Variants in GNE observed in about 807,000 individuals in gnomAD.
GNE encodes the protein glucosamine (UDP-N-acetyl)-2-epimerase/N-acetylmannosamine kinase.
GNE carries 41 observed loss-of-function variants against 61.8 expected under a neutral mutation model. That is an observed-to-expected ratio of 0.66 (90% CI 0.52 to 0.86). The LOEUF (loss-of-function observed/expected upper bound fraction) is 0.86, where lower values mean the gene tolerates loss of function less well. GNE is among the 40% of genes least tolerant of loss of function. The pLI is 0.00. For synonymous variants in GNE, 264 were observed against 326.4 expected (o/e 0.81, Z 2.06); for missense variants, 608 against 909.1 (o/e 0.67, Z 4.26).
intron 7 of GNE, among the ~76,000 whole-genome samples, chr9:36,225,776 TA>T (rs869131070): frequency 6.6e-6 from 1 of 151,824 alleles, no homozygotes; most frequent in Non-Finnish European, 1.5e-5. Context: ...ACCTTGTCTC[TA>T]AAAAAAAATT....
chr9:36,244,442 G>C (rs1243287866), intron 3 of GNE, among the ~76,000 whole-genome samples: 1 of 152,104 alleles, frequency 6.6e-6, no homozygotes, highest in Non-Finnish European at 1.5e-5. Context: ...ATTAGCAAAA[G>C]ATAATTTCTA....
upstream of GNE, among the ~76,000 whole-genome samples, chr9:36,262,255 G>A (rs925330886): frequency 1.3e-5 from 2 of 152,100 alleles, no homozygotes; most frequent in Non-Finnish European, 1.5e-5. Context: ...AGAATTGTAT[G>A]CACTTTCTAA....
intron 5 of GNE, among the ~76,000 whole-genome samples, chr9:36,232,466 C>T (rs1468512975): frequency 6.6e-6 from 1 of 152,146 alleles, no homozygotes; most frequent in Non-Finnish European, 1.5e-5. Flanking sequence ...GGCTTACATG[C>T]ATCTGTTTCC....
intron 3 of GNE, among the ~76,000 whole-genome samples, chr9:36,245,706 G>A (rs532251303): frequency 6.6e-6 from 1 of 152,072 alleles, no homozygotes; most frequent in African/African-American, 2.4e-5. Context: ...AAATGAAATG[G>A]CATATTACAC....
chr9:36,274,340 C>T (rs750069293), intron 1 of GNE, among the ~76,000 whole-genome samples: 43 of 152,162 alleles, frequency 2.8e-4, no homozygotes, highest in Non-Finnish European at 5.1e-4. Context: ...AAGCAATCCT[C>T]CTGCCTCAAC....
intron 1 of GNE, among the ~76,000 whole-genome samples, chr9:36,270,556 C>T (rs1416615197): frequency 1.4e-5 from 2 of 142,338 alleles, no homozygotes; most frequent in African/African-American, 2.6e-5. Context: ...CTCGCTCTTT[C>T]GCCCAGGCCG....
intron 3 of GNE, 95 bp downstream of exon 3, chr9:36,245,936 T>C: frequency 1.0e-6 from 1 of 970,638 alleles, no homozygotes; most frequent in South Asian, 1.4e-5. Flanking sequence ...GCTAACAGAG[T>C]ATTCTATCCA....
intron 1 of GNE, among the ~76,000 whole-genome samples, chr9:36,268,765 G>A (rs1830903970): frequency 6.6e-6 from 1 of 152,156 alleles, no homozygotes; most frequent in South Asian, 2.1e-4. Context: ...CGCTTCTGGG[G>A]AAATTTTATT....
intron 1 of GNE, among the ~76,000 whole-genome samples, chr9:36,269,293 G>A (rs1472574593): frequency 6.6e-6 from 1 of 151,332 alleles, no homozygotes; most frequent in South Asian, 2.1e-4. Context: ...ACTCTCTTAT[G>A]ATTAGCTCCT....
intron 3 of GNE, among the ~76,000 whole-genome samples, chr9:36,245,815 G>T (rs952919440): frequency 2.6e-5 from 4 of 152,154 alleles, no homozygotes; most frequent in African/African-American, 7.2e-5. Flanking sequence ...ATATAGCAGA[G>T]ATTTTTAAAA....
At chr9:36,269,214 G>A (rs1442157137) in intron 1 of GNE, among the ~76,000 whole-genome samples, 2 of 150,160 alleles carry the variant, frequency 1.3e-5, no homozygotes, top group Admixed American at 1.3e-4. Context: ...ACTCTGGAAT[G>A]AATATAATTC....
chr9:36,264,353 T>G (rs559425325), intron 1 of GNE, among the ~76,000 whole-genome samples: 5 of 152,194 alleles, frequency 3.3e-5, no homozygotes, highest in African/African-American at 1.2e-4. Flanking sequence ...CAGGATGGTC[T>G]CCAACTCCTG....
chr9:36,276,187 C>T (rs561891708), intron 1 of GNE, among the ~76,000 whole-genome samples: 1 of 152,174 alleles, frequency 6.6e-6, no homozygotes, highest in East Asian at 1.9e-4. Context: ...CACACACACA[C>T]ACACACGTTT....
chr9:36,217,224 C>T lies in GNE; in HGVS notation c.*141G>A. 1.4e-6 allele frequency: 1 copy of T among 705,302 alleles called. No homozygotes were observed. Among genetic ancestry groups the T allele is most frequent in the Non-Finnish European group, 2.6e-6 (1 of 390,258 alleles). The allele number at this position is 705,302 out of a possible 1,614,324, so 43.7% of individuals were successfully genotyped here. ...GGAAAGGTGACTCTGGAAGAGGAGA[C>T]CAAAAGTGAAAACATTTCTCTGCCA... On this transcript the variant is annotated 3_prime_UTR_variant, in exon 12 of 12. Transcript: ENST00000642385.
chr9:36,248,498 AT>A (rs1829993176), intron 2 of GNE, among the ~76,000 whole-genome samples: 1 of 132,750 alleles, frequency 7.5e-6, no homozygotes, highest in Non-Finnish European at 1.6e-5. Flanking sequence ...TTTTTTTTGT[AT>A]TTTTCGTAGA....
At chr9:36,242,966 C>G (rs1829708385) in intron 3 of GNE, among the ~76,000 whole-genome samples, 1 of 151,708 alleles carries the variant, frequency 6.6e-6, no homozygotes, top group Non-Finnish European at 1.5e-5. Flanking sequence ...TCTCCAACTC[C>G]TGACCTCAAG....
chr9:36,224,681 G>T (rs376709981), intron 7 of GNE, among the ~76,000 whole-genome samples: 2 of 152,008 alleles, frequency 1.3e-5, no homozygotes, highest in East Asian at 3.9e-4. Flanking sequence ...ACCAGCCTGC[G>T]CAATAAGAGG....
At chr9:36,242,618 C>T (rs1201993501) in intron 3 of GNE, among the ~76,000 whole-genome samples, 5 of 151,938 alleles carry the variant, frequency 3.3e-5, no homozygotes, top group African/African-American at 1.2e-4. Flanking sequence ...TGGGGTTTCA[C>T]CATGTTGGCC....
In GNE at chr9:36,244,895, G is replaced by A. The variant is rs530601942; in HGVS notation, c.616+1136C>T. Among the ~76,000 whole-genome samples the A allele has an allele frequency of 3.4e-5, 5 of 148,872 alleles. No homozygotes were observed. In the East Asian group the frequency reaches 1.0e-3, roughly 30 times the overall value. On this transcript the variant is annotated intron_variant, in intron 3 of 11. Coordinates refer to ENST00000642385, the MANE Select transcript of GNE (RefSeq NM_005476.7). ...GTGGAGGTTGCAGTGAGCCGAGACTGAGCCACTGCACTACAGGCTAGGCAA... is the reference window on the plus strand; with the variant it reads ...GTGGAGGTTGCAGTGAGCCGAGACTAAGCCACTGCACTACAGGCTAGGCAA...
Sources: allele counts gnomAD v4.1 joint callset (sites outside exome capture counted in the v4.1 genomes callset), GRCh38; gene constraint gnomAD v4.1.1; transcripts MANE v1.5; gene names NCBI Gene and HGNC (gene_info 2026-07-23, HGNC 2026-07-21).